Variants in CFHR5 observed in about 807,000 individuals in gnomAD.
CFHR5 encodes the protein complement factor H-related protein 5.
A neutral mutation model predicts 62.9 loss-of-function variants in CFHR5; 73 were observed. The observed-to-expected ratio is 1.16, with a 90% confidence interval of 0.96 to 1.41. The LOEUF is 1.41. Among genes scored for constraint, CFHR5 ranks in the 40% most tolerant of loss-of-function variants. The pLI is 0.00. For missense variants in CFHR5, 779 were observed against 679.9 expected, an observed-to-expected ratio of 1.15 and a Z score of -1.62; for synonymous variants, 249 against 227.2, an observed-to-expected ratio of 1.10 and a Z score of -0.86.
chr1:196,982,626 C>T (rs1019371252), intron 1 of CFHR5, among the ~76,000 whole-genome samples: 5 of 151,702 alleles, frequency 3.3e-5, no homozygotes, highest in African/African-American at 1.2e-4. Context: ...CCAAGATTTG[C>T]GTGATTGTAC....
In CFHR5 at chr1:196,977,578, T is replaced by C; in HGVS notation, c.-87T>C. On this transcript the variant is annotated 5_prime_UTR_variant, in exon 1 of 10. The change abolishes an upstream ATG in the 5' untranslated region. Transcript: ENST00000256785. ...CTTAGTACATTGAAATTCAAAGTCA[T>C]GCTTGTAACTGTTAATGAAAGCAGA... The C allele has an allele frequency of 9.3e-7, 1 of 1,070,910 alleles. No individual in the cohort carries two copies. The highest frequency in any genetic ancestry group is 1.3e-5 in the South Asian group (1 of 79,758). 66.3% of individuals were successfully genotyped at this position (1,070,910 alleles called of 1,614,324 possible).
chr1:196,993,961 G>A, intron 3 of CFHR5, 119 bp from the exon 4 acceptor site: 1 of 784,402 alleles, frequency 1.3e-6, no homozygotes, highest in Non-Finnish European at 2.1e-6. Flanking sequence ...TTTTCTCGAA[G>A]GCAAGAATAT....
intron 8 of CFHR5, among the ~76,000 whole-genome samples, chr1:197,003,297 T>G (rs1356224497): frequency 1.3e-5 from 2 of 152,136 alleles, no homozygotes; most frequent in East Asian, 1.9e-4. Flanking sequence ...CTTCCTGTCA[T>G]GCAGCCCGGT....
intron 4 of CFHR5, among the ~76,000 whole-genome samples, chr1:196,994,463 T>C (rs892142878): frequency 6.6e-6 from 1 of 152,180 alleles, no homozygotes; most frequent in African/African-American, 2.4e-5. Context: ...TGTTTTACAA[T>C]ACATAATAGG....
At chr1:196,983,814 C>T (rs992022261) in intron 2 of CFHR5, 147 bp from the exon 3 acceptor site, 2 of 564,202 alleles carry the variant, frequency 3.5e-6, no homozygotes, top group African/African-American at 3.8e-5. Context: ...TATATTTCAT[C>T]ATTTATACGG....
rs769122811 is a variant in CFHR5 at position 197,008,732 on chromosome 1, A to G, written c.*49A>G. 6 of 1,466,708 alleles carry G rather than the reference A, an allele frequency of 4.1e-6. No homozygotes were observed. Among genetic ancestry groups the G allele is most frequent in the African/African-American group, 1.4e-5 (1 of 71,780 alleles). 90.9% of individuals were successfully genotyped at this position (1,466,708 alleles called of 1,614,324 possible). ...TATTCTTCAAACATCCATCTATGCT[A>G]AAAGTAGCCATTATGTAGCCAATTC... On this transcript the variant is annotated 3_prime_UTR_variant, in exon 10 of 10. Transcript: ENST00000256785.
chr1:196,999,949 A>G (rs1307699135), intron 7 of CFHR5, among the ~76,000 whole-genome samples: 9 of 151,444 alleles, frequency 5.9e-5, no homozygotes. Flanking sequence ...TTGTATTTCC[A>G]ACTAATCCAA....
Position 196,983,960 on chromosome 1 carries a change from G to A in CFHR5, c.254-1G>A, listed in dbSNP as rs1229603831. 19 of 1,606,096 alleles carry A rather than the reference G, an allele frequency of 1.2e-5. No individual in the cohort carries two copies. The highest frequency in any genetic ancestry group is 1.4e-5 in the Non-Finnish European group (17 of 1,175,382). ...TACATTAATCAATTTTTGTTCCTTA[G>A]GAATGTGTTCCTTTCCTTTTGTGAA... On this transcript the variant is annotated splice_acceptor_variant, in intron 2 of 9. Coordinates refer to ENST00000256785, the MANE Select transcript of CFHR5 (RefSeq NM_030787.4). LOFTEE classifies it high-confidence loss of function.
intron 9 of CFHR5, among the ~76,000 whole-genome samples, chr1:197,006,598 G>A (rs1227274558): frequency 6.6e-6 from 1 of 151,524 alleles, no homozygotes; most frequent in African/African-American, 2.4e-5. Flanking sequence ...TGTAATCTCA[G>A]CTACTCGGGA....
intron 3 of CFHR5, among the ~76,000 whole-genome samples, chr1:196,993,533 G>A (rs891755691): frequency 2.0e-5 from 3 of 152,130 alleles, no homozygotes; most frequent in East Asian, 1.9e-4. Flanking sequence ...CTGACCTCAG[G>A]TGATCTGCCC....
intron 1 of CFHR5, among the ~76,000 whole-genome samples, chr1:196,979,286 G>A (rs1653476190): frequency 6.7e-6 from 1 of 149,156 alleles, no homozygotes; most frequent in South Asian, 2.2e-4. Flanking sequence ...GTGTGTGTGT[G>A]TACACTCATA....
At position 197,009,041 on chromosome 1, in the gene CFHR5, C is replaced by A; in HGVS notation, c.*358C>A. Reference sequence around the variant, plus strand: ...CATCATAATATGCTGGAAGGCATCACAACATGGTGGAAGGGATCACGTGGC... The same window carrying A: ...CATCATAATATGCTGGAAGGCATCAAAACATGGTGGAAGGGATCACGTGGC... On this transcript the variant is annotated 3_prime_UTR_variant, in exon 10 of 10. Coordinates refer to ENST00000256785, the MANE Select transcript of CFHR5 (RefSeq NM_030787.4). 5.5e-6 allele frequency: 1 copy of A among 182,710 alleles called. No homozygotes were observed. Among genetic ancestry groups the A allele is most frequent in the South Asian group, 1.1e-4 (1 of 9,312 alleles). 11.3% of individuals were successfully genotyped at this position (182,710 alleles called of 1,614,324 possible).
At position 196,977,722 on chromosome 1, in the gene CFHR5, G is replaced by A. The variant is rs1388063819; in HGVS notation, c.58G>A (p.Gly20Arg). ...ATGGGTATCCACTGTTGGGGGAGAA[G>A]GTAAGTTGAAAACAGATCCGAATAT... ...ISWVSTVGGE[G>R]TLCDFPKIHH... Residue 20 changes from glycine to arginine, a missense_variant and splice_region_variant, in exon 1 of 10, where the codon GGA (glycine) becomes AGA (arginine). Transcript: ENST00000256785. The A allele has an allele frequency of 6.2e-7, 1 of 1,610,686 alleles. No individual in the cohort carries two copies. The highest frequency in any genetic ancestry group is 8.5e-7 in the Non-Finnish European group (1 of 1,177,132).
At chr1:196,987,964 T>C (rs1296946966) in intron 3 of CFHR5, among the ~76,000 whole-genome samples, 1 of 152,170 alleles carries the variant, frequency 6.6e-6, no homozygotes, top group African/African-American at 2.4e-5. Context: ...TTGGGCAGTA[T>C]GGCCATTTTC....
upstream of CFHR5, among the ~76,000 whole-genome samples, chr1:196,976,966 G>A (rs1280983376): frequency 2.6e-5 from 4 of 151,546 alleles, no homozygotes; most frequent in African/African-American, 4.8e-5. Flanking sequence ...CACCACGCCT[G>A]GCTAAATTTT....
intron 3 of CFHR5, 59 bp downstream of exon 3, chr1:196,984,196 T>G: frequency 1.5e-6 from 2 of 1,367,900 alleles, no homozygotes; most frequent in Non-Finnish European, 2.1e-6. Context: ...AATCTATAGT[T>G]TATAGATTAA....
chr1:196,977,490 T>C (rs1339375914), upstream of CFHR5: 2 of 687,404 alleles, frequency 2.9e-6, no homozygotes, highest in Non-Finnish European at 5.4e-6. Flanking sequence ...TATTTGCTTA[T>C]TTCACACAAC....
At chr1:197,001,586 T>A (rs922068921) in intron 7 of CFHR5, among the ~76,000 whole-genome samples, 1 of 152,070 alleles carries the variant, frequency 6.6e-6, no homozygotes, top group Non-Finnish European at 1.5e-5. Flanking sequence ...AGTTTTAGGG[T>A]ACATGTGCAC....
At position 196,978,910 on chromosome 1, in the gene CFHR5, G is replaced by T. The variant is rs1032388034; in HGVS notation, c.58+1188G>T. 5.9e-4 allele frequency among the ~76,000 whole-genome samples: 90 copies of T among 152,244 alleles called. 1 individual carries two copies. Among genetic ancestry groups the T allele is most frequent in the African/African-American group, 2.1e-3 (88 of 41,564 alleles). ...ATTCCTAACCCCACAAAACTTTCAA[G>T]CTTCAGTCCAGTCCCAGGATAAACT... On this transcript the variant is annotated intron_variant, in intron 1 of 9. Coordinates refer to ENST00000256785, the MANE Select transcript of CFHR5 (RefSeq NM_030787.4).
Sources: gnomAD v4.1 joint callset for allele counts (sites outside exome capture counted in the v4.1 genomes callset) on GRCh38, gnomAD v4.1.1 for gene constraint, MANE v1.5 for transcripts, NCBI Gene and HGNC (gene_info 2026-07-23, HGNC 2026-07-21) for gene names.